Variants in ROR1 observed in about 807,000 individuals in gnomAD.
ROR1 encodes the protein ROR family WNT receptor 1.
In ROR1, 19 loss-of-function variants were observed where a neutral mutation model predicts 78.8. The ratio of observed to expected loss-of-function variants is 0.24; its 90% confidence interval spans 0.17 to 0.35. The LOEUF (loss-of-function observed/expected upper bound fraction) is 0.35, where lower values mean the gene tolerates loss of function less well. ROR1 is among the 10% of genes least tolerant of loss of function. The pLI is 1.00. For synonymous variants in ROR1, 386 were observed against 433.6 expected (o/e 0.89, Z 1.36); for missense variants, 917 against 1,177.8 (o/e 0.78, Z 3.24).
At position 64,178,068 on chromosome 1, in the gene ROR1, G is replaced by C; in HGVS notation, c.2027G>C (p.Trp676Ser). The C allele has an allele frequency of 1.2e-6, 2 of 1,614,096 alleles. No homozygotes were observed. The highest frequency in any genetic ancestry group is 1.7e-6 in the Non-Finnish European group (2 of 1,180,022). ...YGKFSSDSDI[W>S]SFGVVLWEIF... is the part of the protein sequence containing the mutation. ...AAATTCTCTTCTGATTCAGATATCTGGTCCTTTGGGGTTGTCTTGTGGGAG... is the reference window on the plus strand; with the variant it reads ...AAATTCTCTTCTGATTCAGATATCTCGTCCTTTGGGGTTGTCTTGTGGGAG... The change falls in exon 9 of 9, where the codon TGG becomes TCG. Residue 676 changes from tryptophan to serine, a missense_variant. Physicochemically the swap from Trp to Ser is radical, Grantham distance 177. This residue lies in a region of ROR1 where 835 missense variants were observed against 1,069.8 expected (regional missense o/e 0.78). Transcript: ENST00000371079. This position sits in a 1 kb window ranked among gnomAD's most constrained non-coding sequence, Gnocchi z 4.3.
intron 8 of ROR1, among the ~76,000 whole-genome samples, chr1:64,168,080 C>T (rs1407581311): frequency 3.3e-5 from 5 of 152,160 alleles, no homozygotes; most frequent in African/African-American, 1.2e-4. Flanking sequence ...AAAATGGGGG[C>T]AGTCGTAATA....
chr1:63,861,784 T>A (rs868317627), intron 1 of ROR1, among the ~76,000 whole-genome samples: 23 of 152,272 alleles, frequency 1.5e-4, no homozygotes, highest in Middle Eastern at 3.4e-3. Flanking sequence ...AAGAAAGGGT[T>A]CAAAAGGTTT....
At chr1:63,961,588 A>C (rs1251248245) in intron 1 of ROR1, among the ~76,000 whole-genome samples, 1 of 152,228 alleles carries the variant, frequency 6.6e-6, no homozygotes, top group Non-Finnish European at 1.5e-5. Context: ...CCAAGCACAG[A>C]AAGACAAATA....
rs1447473706 is a variant in ROR1 at position 64,097,606 on chromosome 1, C to T, written c.483-39763C>T. ...ATATATATAAGGCCTTGAGACAATG[C>T]TTTCTTTACCTAGAACAAAGTTATT... is the stretch of plus-strand genomic sequence containing the variant. On this transcript the variant is annotated intron_variant, in intron 4 of 8. Coordinates refer to ENST00000371079, the MANE Select transcript of ROR1 (RefSeq NM_005012.4). Among the ~76,000 whole-genome samples, 9 of 151,016 alleles carry T rather than the reference C, an allele frequency of 6.0e-5. No individual in the cohort carries two copies. The East Asian group carries it at 1.7e-3, about 29-fold the overall frequency.
chr1:63,919,972 C>A (rs1645641230), intron 1 of ROR1, among the ~76,000 whole-genome samples: 1 of 152,138 alleles, frequency 6.6e-6, no homozygotes, highest in African/African-American at 2.4e-5. Flanking sequence ...TTAAATGCAG[C>A]TGAAAATGCT....
intron 4 of ROR1, among the ~76,000 whole-genome samples, chr1:64,118,413 G>C (rs1648396225): frequency 6.6e-6 from 1 of 151,916 alleles, no homozygotes; most frequent in Non-Finnish European, 1.5e-5. Context: ...CAGATCATGA[G>C]GTCAGGAGTT....
chr1:64,146,194 G>A (rs917979181), intron 7 of ROR1, among the ~76,000 whole-genome samples: 8 of 152,170 alleles, frequency 5.3e-5, no homozygotes, highest in African/African-American at 1.9e-4. Context: ...GAAAGAAATG[G>A]GCTGGGCTTG....
intron 1 of ROR1, among the ~76,000 whole-genome samples, chr1:63,880,426 T>C (rs1645314685): frequency 6.6e-6 from 1 of 152,170 alleles, no homozygotes; most frequent in Non-Finnish European, 1.5e-5. Context: ...GAGAAAAACC[T>C]GAGTCTTCAT....
At chr1:64,158,332 A>C (rs1382186386) in intron 7 of ROR1, among the ~76,000 whole-genome samples, 1 of 152,212 alleles carries the variant, frequency 6.6e-6, no homozygotes, top group Non-Finnish European at 1.5e-5. Context: ...CAAAACAGAC[A>C]CTTCACTTTT....
chr1:63,828,671 A>G (rs1205163730), intron 1 of ROR1, among the ~76,000 whole-genome samples: 1 of 152,212 alleles, frequency 6.6e-6, no homozygotes, highest in Non-Finnish European at 1.5e-5. Flanking sequence ...AAACCTAAGC[A>G]ACTAGATTGT....
intron 1 of ROR1, among the ~76,000 whole-genome samples, chr1:63,938,510 T>C (rs1420081667): frequency 1.3e-5 from 2 of 152,110 alleles, no homozygotes; most frequent in Non-Finnish European, 2.9e-5. Flanking sequence ...TCAAGGTCCC[T>C]TGAGGCCTGA....
At chr1:63,972,568 T>C (rs538706959) in intron 1 of ROR1, among the ~76,000 whole-genome samples, 63 of 152,248 alleles carry the variant, frequency 4.1e-4, no homozygotes, top group African/African-American at 1.4e-3. Context: ...ACATAGATAT[T>C]TGTGGAAGAA....
intron 1 of ROR1, among the ~76,000 whole-genome samples, chr1:63,822,322 A>G (rs1392038003): frequency 2.6e-5 from 4 of 152,216 alleles, no homozygotes; most frequent in Non-Finnish European, 5.9e-5. Context: ...CTTACAACCT[A>G]GTTTGCTTGC....
chr1:63,910,588 C>A (rs939408388), intron 1 of ROR1, among the ~76,000 whole-genome samples: 1 of 152,146 alleles, frequency 6.6e-6, no homozygotes, highest in Non-Finnish European at 1.5e-5. Flanking sequence ...TTTTCCTGAT[C>A]CCTGAACCAG....
At position 63,843,401 on chromosome 1, in the gene ROR1, C is replaced by T; in HGVS notation, c.91+68893C>T. On this transcript the variant is annotated intron_variant, in intron 1 of 8. Transcript: ENST00000371079. Reference sequence around the variant, plus strand: ...CCCAGAAGATAAACACCAGGTCCTCCTCCTTGCTCTCCTTGGTCTCGTAGG... The same window carrying T: ...CCCAGAAGATAAACACCAGGTCCTCTTCCTTGCTCTCCTTGGTCTCGTAGG... 4 of 742,196 alleles carry T rather than the reference C, an allele frequency of 5.4e-6. No individual in the cohort carries two copies. The Middle Eastern group carries it at 7.3e-4, about 135-fold the overall frequency. 46.0% of individuals were successfully genotyped at this position (742,196 alleles called of 1,614,324 possible).
At chr1:64,155,032 G>C (rs1649733903) in intron 7 of ROR1, among the ~76,000 whole-genome samples, 1 of 152,084 alleles carries the variant, frequency 6.6e-6, no homozygotes, top group South Asian at 2.1e-4. Flanking sequence ...AATGTTTTAG[G>C]GTAATTTTGA....
chr1:64,007,956 C>CTTTTTTT (rs74261212), intron 1 of ROR1, among the ~76,000 whole-genome samples: 33 of 137,702 alleles, frequency 2.4e-4, no homozygotes, highest in Admixed American at 6.3e-4. Flanking sequence ...TGCCCTTGTT[C>CTTTTTTT]TTTTTTTTTT....
In ROR1 at chr1:64,006,281, C is replaced by T. The variant is rs566843973; in HGVS notation, c.92-3024C>T. ...ACCTATGCTTCCTTCCCTGAAATGC[C>T]GCCTTGGCTGCCAACCTTCTATTCC... On this transcript the variant is annotated intron_variant, in intron 1 of 8. Transcript: ENST00000371079. Among the ~76,000 whole-genome samples the T allele has an allele frequency of 6.6e-5, 10 of 152,262 alleles. No individual in the cohort carries two copies. The South Asian group carries it at 1.5e-3, about 22-fold the overall frequency.
chr1:63,879,083 G>A (rs1309283926), intron 1 of ROR1, among the ~76,000 whole-genome samples: 2 of 152,148 alleles, frequency 1.3e-5, no homozygotes, highest in African/African-American at 4.8e-5. Flanking sequence ...AACTTGGAAT[G>A]AGTCAGATCT....
Sources: allele counts gnomAD v4.1 joint callset (sites outside exome capture counted in the v4.1 genomes callset), GRCh38; gene constraint gnomAD v4.1.1; regional missense constraint gnomAD v4.1.1; non-coding constraint Gnocchi (gnomAD v3.1); transcripts MANE v1.5; gene names NCBI Gene and HGNC (gene_info 2026-07-23, HGNC 2026-07-21).